NTM: variants seen among roughly 807,000 people sequenced by gnomAD.
NTM encodes the protein neurotrimin, also known as IgLON family member 2.
In NTM, 13 loss-of-function variants were observed where a neutral mutation model predicts 42.1. The observed-to-expected ratio is 0.31, with a 90% CI of 0.20 to 0.49. The LOEUF (loss-of-function observed/expected upper bound fraction) is 0.49. NTM is among the 20% of genes least tolerant of loss of function. The pLI, the probability that NTM is intolerant of heterozygous loss-of-function variation, is 0.99. For synonymous variants in NTM, 187 were observed against 179.2 expected (o/e 1.04, Z -0.35); for missense variants, 373 against 452.8 (o/e 0.82, Z 1.60).
intron 1 of NTM, among the ~76,000 whole-genome samples, chr11:131,834,298 T>C (rs1219735903): frequency 6.6e-6 from 1 of 152,106 alleles, no homozygotes; most frequent in East Asian, 1.9e-4. Context: ...CAATACCCAC[T>C]CCCTTCCACA....
chr11:131,621,033 T>G (rs1264343188), intron 1 of NTM, among the ~76,000 whole-genome samples: 1 of 152,194 alleles, frequency 6.6e-6, no homozygotes, highest in Non-Finnish European at 1.5e-5. Context: ...TGTAATTGTA[T>G]GTTGAAAGAA....
chr11:131,900,471 T>C (rs917133833), intron 1 of NTM, among the ~76,000 whole-genome samples: 1 of 152,196 alleles, frequency 6.6e-6, no homozygotes, highest in African/African-American at 2.4e-5. Context: ...ATGTGGAGAT[T>C]GAAACAGAGC....
At chr11:131,707,306 T>A (rs867346439) in intron 1 of NTM, among the ~76,000 whole-genome samples, 1 of 152,114 alleles carries the variant, frequency 6.6e-6, no homozygotes, top group Non-Finnish European at 1.5e-5. Context: ...GGTTCATTCA[T>A]ATTGTTACGA....
intron 2 of NTM, among the ~76,000 whole-genome samples, chr11:131,993,609 C>T (rs191397683): frequency 2.6e-5 from 4 of 152,010 alleles, no homozygotes; most frequent in Non-Finnish European, 4.4e-5. Context: ...GTGCAGATTT[C>T]CTAGGGTGGA....
intron 1 of NTM, among the ~76,000 whole-genome samples, chr11:131,597,111 G>A (rs765847956): frequency 1.5e-4 from 23 of 152,174 alleles, no homozygotes; most frequent in Admixed American, 2.6e-4. Flanking sequence ...TGACTCAAAT[G>A]TTAATCTCCT....
chr11:131,721,291 A>G (rs1234841751), intron 1 of NTM, among the ~76,000 whole-genome samples: 1 of 152,128 alleles, frequency 6.6e-6, no homozygotes, highest in Non-Finnish European at 1.5e-5. Context: ...TTATCTTAGC[A>G]CAATTGCTTT....
At chr11:132,220,874 G>A (rs983332162) in intron 4 of NTM, among the ~76,000 whole-genome samples, 1 of 152,242 alleles carries the variant, frequency 6.6e-6, no homozygotes, top group South Asian at 2.1e-4. Flanking sequence ...CATTAAAATG[G>A]TAGCCCCTAC....
At chr11:131,789,596 A>AAGG (rs1565552514) in intron 1 of NTM, among the ~76,000 whole-genome samples, 2 of 65,156 alleles carry the variant, frequency 3.1e-5, no homozygotes, top group South Asian at 4.1e-4. Flanking sequence ...GAAGAAGAAG[A>AAGG]AGAAGAAGAA....
chr11:131,741,463 C>G (rs1315880898), intron 1 of NTM, among the ~76,000 whole-genome samples: 2 of 152,210 alleles, frequency 1.3e-5, no homozygotes, highest in Non-Finnish European at 2.9e-5. Context: ...CCTTTGGAAG[C>G]TGGACTTTTC....
In NTM at chr11:132,278,788, C is replaced by G. The variant is rs540812742; in HGVS notation, c.527-28901C>G. The stretch of plus-strand genomic sequence containing the variant: ...CTCTCTCTCTCTCTCTCTCTCTTTA[C>G]TGCTTAAATGTCAGTAATCTCCAGG... On this transcript the variant is annotated intron_variant, in intron 4 of 8. Transcript: ENST00000683400. Among the ~76,000 whole-genome samples the G allele has an allele frequency of 1.1e-4, 10 of 87,916 alleles. No homozygotes were observed. The South Asian group carries it at 1.2e-3, about 10-fold the overall frequency. The allele number at this position is 87,916 out of a possible 152,430, so 57.7% of individuals were successfully genotyped here. A position where few individuals can be genotyped will look rare whatever the true frequency, so the allele number is the denominator to read the frequency against.
At chr11:131,661,911 C>A (rs2068144337) in intron 1 of NTM, among the ~76,000 whole-genome samples, 1 of 152,064 alleles carries the variant, frequency 6.6e-6, no homozygotes, top group Admixed American at 6.5e-5. Flanking sequence ...ACATAAAACT[C>A]AATTCAATAA....
chr11:131,955,542 T>A (rs2061465278), intron 2 of NTM, among the ~76,000 whole-genome samples: 1 of 152,098 alleles, frequency 6.6e-6, no homozygotes, highest in Non-Finnish European at 1.5e-5. Flanking sequence ...AAATGGAGGA[T>A]AATTATCGTA....
chr11:132,174,529 T>C (rs901025058), intron 3 of NTM, among the ~76,000 whole-genome samples: 9 of 152,180 alleles, frequency 5.9e-5, no homozygotes, highest in African/African-American at 1.9e-4. Flanking sequence ...CGGACTATGA[T>C]GGGCATTGCT....
At chr11:131,632,989 C>A (rs1033048958) in intron 1 of NTM, among the ~76,000 whole-genome samples, 2 of 152,104 alleles carry the variant, frequency 1.3e-5, no homozygotes, top group African/African-American at 4.8e-5. Flanking sequence ...TTTGTTCAGA[C>A]CATCTATTTG....
intron 2 of NTM, among the ~76,000 whole-genome samples, chr11:132,106,727 C>T (rs773553438): frequency 3.3e-5 from 5 of 152,138 alleles, no homozygotes; most frequent in Non-Finnish European, 5.9e-5. Context: ...GTCCAGGGCT[C>T]GGGTGATCGT....
intron 1 of NTM, among the ~76,000 whole-genome samples, chr11:131,500,578 T>TACATATATATATATATATATATATA (rs1491209927): frequency 1.3e-3 from 2 of 1,550 alleles, no homozygotes; most frequent in Non-Finnish European, 2.6e-3. Flanking sequence ...TATATATATA[T>TACATATATATATATATATATATATA]TTTTTTTTTT....
At chr11:131,893,870 C>T (rs1406295326) in intron 1 of NTM, among the ~76,000 whole-genome samples, 1 of 152,082 alleles carries the variant, frequency 6.6e-6, no homozygotes, top group Non-Finnish European at 1.5e-5. Context: ...CACACCATCA[C>T]CTAACCATGA....
At chr11:131,497,604 G>A (rs1489166494) in intron 1 of NTM, among the ~76,000 whole-genome samples, 1 of 152,216 alleles carries the variant, frequency 6.6e-6, no homozygotes, top group African/African-American at 2.4e-5. Flanking sequence ...TGACCAGAGT[G>A]TAGGATACAG....
intron 1 of NTM, among the ~76,000 whole-genome samples, chr11:131,886,740 A>C (rs141263174): frequency 2.6e-5 from 4 of 152,320 alleles, no homozygotes; most frequent in Non-Finnish European, 5.9e-5. Flanking sequence ...TTACCCTGGT[A>C]AGATGACAGA....
Sources: gnomAD v4.1 joint callset for allele counts (sites outside exome capture counted in the v4.1 genomes callset) on GRCh38, gnomAD v4.1.1 for gene constraint, MANE v1.5 for transcripts, NCBI Gene and HGNC (gene_info 2026-07-23, HGNC 2026-07-21) for gene names.